Variants in PPARGC1A observed in about 807,000 individuals in gnomAD.
PPARGC1A encodes PPARG coactivator 1 alpha.
PPARGC1A carries 25 observed loss-of-function variants against 88.7 expected under a neutral mutation model. The observed-to-expected ratio is 0.28, with a 90% CI of 0.21 to 0.39. The LOEUF is 0.39. Among genes scored for constraint, PPARGC1A ranks in the 10% least tolerant of loss-of-function variants. PPARGC1A has a pLI of 1.00. For missense variants in PPARGC1A, 880 were observed against 968.7 expected (o/e 0.91, Z 1.22); for synonymous variants, 363 against 355.6 (o/e 1.02, Z -0.24).
chr4:24,309,648 C>T, the PPARGC1A span, among the ~76,000 whole-genome samples: 1 of 152,184 alleles, frequency 6.6e-6, no homozygotes, highest in Non-Finnish European at 1.5e-5. Context: ...GTGGCATGAT[C>T]ATAGCCCACT....
chr4:24,465,592 A>G, the PPARGC1A span, among the ~76,000 whole-genome samples: 1 of 152,204 alleles, frequency 6.6e-6, no homozygotes, highest in African/African-American at 2.4e-5. Flanking sequence ...TCTCATTCCA[A>G]TGCAAGCCTT....
the PPARGC1A span, among the ~76,000 whole-genome samples, chr4:24,258,567 T>C: frequency 6.6e-6 from 1 of 152,182 alleles, no homozygotes; most frequent in Non-Finnish European, 1.5e-5. Context: ...CTTTTAATAC[T>C]AGAGATAAGA....
At chr4:24,384,248 A>G in the PPARGC1A span, among the ~76,000 whole-genome samples, 2 of 152,182 alleles carry the variant, frequency 1.3e-5, no homozygotes, top group African/African-American at 4.8e-5. Context: ...AAATATGGAG[A>G]GGAAAAACCG....
At chr4:24,129,836 G>A in the PPARGC1A span, among the ~76,000 whole-genome samples, 29 of 152,304 alleles carry the variant, frequency 1.9e-4, 1 homozygote, top group South Asian at 3.3e-3. Context: ...ATGAGTTCAT[G>A]TCCTTTGTGG....
chr4:23,896,820 G>T (rs1025143594), intron 1 of PPARGC1A, among the ~76,000 whole-genome samples: 16 of 152,154 alleles, frequency 1.1e-4, no homozygotes, highest in East Asian at 7.7e-4. Flanking sequence ...ACTAACTGGG[G>T]AAAAAAGGAG....
At chr4:23,849,450 A>G (rs989902826) in intron 2 of PPARGC1A, among the ~76,000 whole-genome samples, 1 of 152,190 alleles carries the variant, frequency 6.6e-6, no homozygotes, top group Non-Finnish European at 1.5e-5. Flanking sequence ...ATAGCTGATA[A>G]AAAGGCTCAC....
At chr4:24,380,599 T>A in the PPARGC1A span, among the ~76,000 whole-genome samples, 3 of 152,006 alleles carry the variant, frequency 2.0e-5, no homozygotes, top group African/African-American at 7.3e-5. Flanking sequence ...AGCAGAGGAT[T>A]GGAGGGAAGA....
chr4:24,029,195 C>T, the PPARGC1A span, among the ~76,000 whole-genome samples: 1 of 152,172 alleles, frequency 6.6e-6, no homozygotes, highest in Non-Finnish European at 1.5e-5. Flanking sequence ...CTTTGACTCT[C>T]TCAGAGCTCT....
the PPARGC1A span, among the ~76,000 whole-genome samples, chr4:24,172,053 C>T: frequency 1.3e-5 from 2 of 152,120 alleles, no homozygotes; most frequent in East Asian, 1.9e-4. Flanking sequence ...ATACAGAAGA[C>T]AGAGGCAGGA....
chr4:23,876,751 A>C (rs1714765194), intron 2 of PPARGC1A, among the ~76,000 whole-genome samples: 1 of 151,444 alleles, frequency 6.6e-6, no homozygotes, highest in African/African-American at 2.4e-5. Context: ...ATGGGGGCTC[A>C]CTCCCTCTAC....
At chr4:24,092,495 G>A in the PPARGC1A span, among the ~76,000 whole-genome samples, 1 of 151,976 alleles carries the variant, frequency 6.6e-6, no homozygotes. Flanking sequence ...ACAAAACTCG[G>A]TGCAGAGTAT....
chr4:24,170,620 G>A, the PPARGC1A span, among the ~76,000 whole-genome samples: 9 of 152,254 alleles, frequency 5.9e-5, no homozygotes, highest in East Asian at 1.9e-4. Context: ...CCATCAGCTC[G>A]TTGATAGAGT....
chr4:24,312,076 G>A, the PPARGC1A span, among the ~76,000 whole-genome samples: 1 of 152,152 alleles, frequency 6.6e-6, no homozygotes, highest in Non-Finnish European at 1.5e-5. Flanking sequence ...GCACCTATAC[G>A]TGTATCTCTA....
At chr4:24,208,206 C>G in the PPARGC1A span, among the ~76,000 whole-genome samples, 1 of 152,028 alleles carries the variant, frequency 6.6e-6, no homozygotes, top group Admixed American at 6.6e-5. Context: ...GCATATGAGC[C>G]TTGGAGTGTG....
chr4:24,362,874 C>A, the PPARGC1A span, among the ~76,000 whole-genome samples: 1 of 152,052 alleles, frequency 6.6e-6, no homozygotes, highest in Non-Finnish European at 1.5e-5. Context: ...CAAGCACATT[C>A]GGAAGCTCCT....
intron 2 of PPARGC1A, among the ~76,000 whole-genome samples, chr4:23,848,646 G>A (rs758048139): frequency 1.3e-5 from 2 of 152,082 alleles, no homozygotes; most frequent in African/African-American, 2.4e-5. Context: ...ATTTGTCCCC[G>A]GAAGAGCATT....
the PPARGC1A span, among the ~76,000 whole-genome samples, chr4:23,981,161 T>G: frequency 6.6e-6 from 1 of 152,172 alleles, no homozygotes; most frequent in East Asian, 2.0e-4. Flanking sequence ...TCCTTGCAGT[T>G]GAGTATTTCT....
the PPARGC1A span, among the ~76,000 whole-genome samples, chr4:24,364,510 ACAT>A: frequency 4.4e-4 from 67 of 152,288 alleles, no homozygotes; most frequent in Admixed American, 2.2e-3. Flanking sequence ...GCCTCTCATG[ACAT>A]CATGTTCTTA....
At chr4:24,018,460 G>C in the PPARGC1A span, among the ~76,000 whole-genome samples, 3 of 152,126 alleles carry the variant, frequency 2.0e-5, no homozygotes, top group Non-Finnish European at 2.9e-5. Context: ...TCAGAGGGTA[G>C]ATGGGTGAGG....
Sources: gnomAD v4.1 joint callset for allele counts (sites outside exome capture counted in the v4.1 genomes callset) on GRCh38, gnomAD v4.1.1 for gene constraint, MANE v1.5 for transcripts, NCBI Gene and HGNC (gene_info 2026-07-23, HGNC 2026-07-21) for gene names.